Variants in PRKN observed in about 807,000 individuals in gnomAD.
PRKN encodes E3 ubiquitin-protein ligase parkin.
In PRKN, 56 loss-of-function variants were observed where a neutral mutation model predicts 59.5. The ratio of observed to expected loss-of-function variants is 0.94; its 90% CI spans 0.76 to 1.18. The LOEUF (loss-of-function observed/expected upper bound fraction) is 1.18, where lower values mean the gene tolerates loss of function less well. Among genes scored for constraint, PRKN ranks in the 50% most tolerant of loss-of-function variants. The pLI, the probability that PRKN is intolerant of heterozygous loss-of-function variation, is 0.00. For synonymous variants in PRKN, 250 were observed against 222.1 expected (o/e 1.13, Z -1.12); for missense variants, 657 against 596.4 (o/e 1.10, Z -1.06).
At chr6:162,698,622 C>T (rs184582483) in intron 1 of PRKN, among the ~76,000 whole-genome samples, 1 of 152,174 alleles carries the variant, frequency 6.6e-6, no homozygotes, top group East Asian at 1.9e-4. Context: ...GCAGTTGGCC[C>T]CAGGCTAAAA....
chr6:162,643,003 C>T (rs934481618), intron 1 of PRKN, among the ~76,000 whole-genome samples: 2 of 152,024 alleles, frequency 1.3e-5, no homozygotes, highest in Non-Finnish European at 2.9e-5. Flanking sequence ...TTTGTATATC[C>T]TTATCTATTT....
intron 7 of PRKN, among the ~76,000 whole-genome samples, chr6:161,628,536 A>G (rs550404597): frequency 4.9e-4 from 75 of 152,302 alleles, no homozygotes; most frequent in African/African-American, 1.7e-3. Flanking sequence ...TTCACCATAT[A>G]CATTTTGGAG....
At chr6:162,006,189 G>C (rs1197564827) in intron 5 of PRKN, among the ~76,000 whole-genome samples, 1 of 152,064 alleles carries the variant, frequency 6.6e-6, no homozygotes, top group African/African-American at 2.4e-5. Flanking sequence ...ACTGTTCCTA[G>C]CACCCAGCAG....
intron 6 of PRKN, among the ~76,000 whole-genome samples, chr6:161,870,927 A>G (rs188758584): frequency 1.3e-5 from 2 of 152,162 alleles, no homozygotes; most frequent in East Asian, 1.9e-4. Flanking sequence ...AGACATGGGG[A>G]AAAATACTGA....
In PRKN at chr6:161,805,178, C is replaced by T. The variant is rs1166347948; in HGVS notation, c.735-19270G>A. On this transcript the variant is annotated intron_variant, in intron 6 of 11. Coordinates refer to ENST00000366898, the MANE Select transcript of PRKN (RefSeq NM_004562.3). ...CTGGGCTACTGTAGAAACAATGTGTCTCAATTCACAGCTGGTATGTTAAAA... is the reference window on the plus strand; with the variant it reads ...CTGGGCTACTGTAGAAACAATGTGTTTCAATTCACAGCTGGTATGTTAAAA... Among the ~76,000 whole-genome samples, 9 of 152,182 alleles carry T rather than the reference C, an allele frequency of 5.9e-5. 1 individual carries two copies. Among genetic ancestry groups the T allele is most frequent in the Admixed American group, 5.9e-4 (9 of 15,286 alleles).
chr6:162,240,708 G>T (rs1008205114), intron 3 of PRKN, among the ~76,000 whole-genome samples: 2 of 152,170 alleles, frequency 1.3e-5, no homozygotes, highest in African/African-American at 4.8e-5. Flanking sequence ...GTATAATTGC[G>T]TCCAAATCCC....
chr6:162,115,046 G>A (rs1023227604), intron 4 of PRKN, among the ~76,000 whole-genome samples: 2 of 151,836 alleles, frequency 1.3e-5, no homozygotes, highest in Non-Finnish European at 2.9e-5. Context: ...ACATGCACAC[G>A]TATGTTTATT....
chr6:161,478,639 G>T (rs978553008), intron 9 of PRKN, among the ~76,000 whole-genome samples: 1 of 152,162 alleles, frequency 6.6e-6, no homozygotes, highest in African/African-American at 2.4e-5. Flanking sequence ...GAGTCCAGGG[G>T]TTTGAGGCCA....
chr6:161,393,314 T>G lies in PRKN; in HGVS notation c.1084-6437A>C, dbSNP rs1051976486. On this transcript the variant is annotated intron_variant, in intron 9 of 11. Transcript: ENST00000366898. The surrounding 1 kb of genome is among the most constrained non-coding windows in gnomAD (Gnocchi z 4.7). ...AGTATACTGATAATAATGACTGTTA[T>G]GTGAATCTCGGGTAAAACTGACACC... 2.6e-5 allele frequency among the ~76,000 whole-genome samples: 4 copies of G among 152,114 alleles called. No homozygotes were observed. The highest frequency in any genetic ancestry group is 9.7e-5 in the African/African-American group (4 of 41,388).
rs1778063872 is a variant in PRKN at position 162,699,052 on chromosome 6, G to A, written c.7+28610C>T. On this transcript the variant is annotated intron_variant, in intron 1 of 11. Coordinates refer to ENST00000366898, the MANE Select transcript of PRKN (RefSeq NM_004562.3). Reference sequence around the variant, plus strand: ...AAATTACTGCCATGTGTGACTCATGGATTAGGTGATAGCTGGTACTGGCTT... The same window carrying A: ...AAATTACTGCCATGTGTGACTCATGAATTAGGTGATAGCTGGTACTGGCTT... Among the ~76,000 whole-genome samples the A allele has an allele frequency of 2.0e-5, 3 of 152,292 alleles. 1 individual carries two copies. In the South Asian group the frequency reaches 6.2e-4, roughly 32 times the overall value.
chr6:161,697,716 A>G (rs1409064572), intron 7 of PRKN, among the ~76,000 whole-genome samples: 1 of 152,174 alleles, frequency 6.6e-6, no homozygotes, highest in Non-Finnish European at 1.5e-5. Flanking sequence ...GTCATTGACC[A>G]TTATCCAGGA....
chr6:161,950,781 T>TA (rs972684489), intron 6 of PRKN, among the ~76,000 whole-genome samples: 3 of 151,822 alleles, frequency 2.0e-5, no homozygotes, highest in African/African-American at 7.3e-5. Context: ...GGTTTCAATA[T>TA]AAAAGAAGGT....
intron 3 of PRKN, among the ~76,000 whole-genome samples, chr6:162,213,285 G>A (rs1325474733): frequency 6.6e-6 from 1 of 152,134 alleles, no homozygotes; most frequent in Non-Finnish European, 1.5e-5. Flanking sequence ...CTCAACACTA[G>A]TAGTTTGTGA....
chr6:162,432,440 C>G (rs538720331), intron 2 of PRKN, among the ~76,000 whole-genome samples: 6 of 152,102 alleles, frequency 3.9e-5, no homozygotes. Context: ...GCAGGAGAAT[C>G]GCTTGAATCC....
chr6:161,708,367 A>T (rs1045593955), intron 7 of PRKN, among the ~76,000 whole-genome samples: 91 of 151,894 alleles, frequency 6.0e-4, no homozygotes, highest in African/African-American at 1.8e-3. Flanking sequence ...CATCCAAAAT[A>T]TTGTAAATAT....
At position 161,787,476 on chromosome 6, in the gene PRKN, A is replaced by G. The variant is rs542087343; in HGVS notation, c.735-1568T>C. On this transcript the variant is annotated intron_variant, in intron 6 of 11. Transcript: ENST00000366898. ...CATACTTTTTTCACTTTGCGACCCT[A>G]TGAAGCTGCTGTATTCTACCTTTTT... Among the ~76,000 whole-genome samples, 294 of 152,298 alleles carry G rather than the reference A, an allele frequency of 1.9e-3. 1 individual carries two copies. The highest frequency in any genetic ancestry group is 3.5e-3 in the Non-Finnish European group (236 of 68,028).
intron 1 of PRKN, among the ~76,000 whole-genome samples, chr6:162,624,076 C>T (rs899078751): frequency 2.7e-5 from 4 of 149,870 alleles, no homozygotes; most frequent in Non-Finnish European, 6.0e-5. Flanking sequence ...TGGTGAAACC[C>T]TGTCTCTACT....
chr6:162,455,843 A>G (rs1338281025), intron 1 of PRKN, among the ~76,000 whole-genome samples: 2 of 152,106 alleles, frequency 1.3e-5, no homozygotes, highest in Non-Finnish European at 2.9e-5. Context: ...AATTTTTCCC[A>G]ATGTTTCAAA....
chr6:162,714,516 T>C (rs568328657), intron 1 of PRKN, among the ~76,000 whole-genome samples: 1 of 152,290 alleles, frequency 6.6e-6, no homozygotes, highest in Non-Finnish European at 1.5e-5. Context: ...CTTTTGGCAT[T>C]ATAAATACCC....
Sources: gnomAD v4.1 joint callset for allele counts (sites outside exome capture counted in the v4.1 genomes callset) on GRCh38, gnomAD v4.1.1 for gene constraint, Gnocchi (gnomAD v3.1) non-coding constraint, MANE v1.5 for transcripts, NCBI Gene and HGNC (gene_info 2026-07-23, HGNC 2026-07-21) for gene names.